GRXCR2: variants seen among roughly 807,000 people sequenced by gnomAD.
GRXCR2 encodes glutaredoxin and cysteine rich domain containing 2, also known as glutaredoxin domain-containing cysteine-rich protein 2.
Under a neutral mutation model 24.8 loss-of-function variants are expected in GRXCR2, and 23 were observed. The ratio of observed to expected loss-of-function variants is 0.93; its 90% CI spans 0.67 to 1.32. The LOEUF (loss-of-function observed/expected upper bound fraction) is 1.32, where lower values mean the gene tolerates loss of function less well. Ranked by LOEUF, GRXCR2 falls within the 40% of genes most tolerant of loss-of-function variation. The pLI is 0.00. For synonymous variants in GRXCR2, 130 were observed against 116.1 expected (o/e 1.12, Z -0.77); for missense variants, 315 against 303.4 (o/e 1.04, Z -0.28).
Position 145,889,181 on chromosome 5 carries a change from A to AAAGG in GRXCR2, c.-69-22454_-69-22453insCCTT, listed in dbSNP as rs1756823082. Among the ~76,000 whole-genome samples the AAAGG allele has an allele frequency of 2.8e-5, 3 of 105,508 alleles. No homozygotes were observed. The South Asian group carries it at 9.3e-4, about 33-fold the overall frequency. The allele number at this position is 105,508 out of a possible 152,430, so 69.2% of individuals were successfully genotyped here. A position where few individuals can be genotyped will look rare whatever the true frequency, so the allele number is the denominator to read the frequency against. ...GAGACTCTGTCTCAAAAAAAGAAAG[A>AAAGG]AAGAAAGAAAGAAAGAAAGAAAGAA... On this transcript the variant is annotated intron_variant, in intron 2 of 3. Transcript: ENST00000639411.
chr5:145,890,630 C>T (rs566297650), intron 2 of GRXCR2, among the ~76,000 whole-genome samples: 39 of 152,182 alleles, frequency 2.6e-4, no homozygotes, highest in African/African-American at 9.2e-4. Context: ...GAGTTTTAAA[C>T]ATGGAAGCAA....
Position 145,928,162 on chromosome 5 carries a change from T to C in GRXCR2, c.-70+7539A>G, listed in dbSNP as rs539862037. Among the ~76,000 whole-genome samples the C allele has an allele frequency of 7.9e-3, 1,195 of 151,970 alleles. 24 individuals are homozygous for C. The highest frequency in any genetic ancestry group is 0.027 in the African/African-American group (1,128 of 41,470). ...CAGACACATGAAAAAATGCTCATCA[T>C]CACTGGCCATCAGAGAAATGCAAAT... On this transcript the variant is annotated intron_variant, in intron 2 of 3. Coordinates refer to the GRXCR2 transcript ENST00000639411.
chr5:145,918,758 C>A (rs1757278044), intron 2 of GRXCR2, among the ~76,000 whole-genome samples: 1 of 152,134 alleles, frequency 6.6e-6, no homozygotes, highest in African/African-American at 2.4e-5. Flanking sequence ...GGAACAAGCC[C>A]CCTCATGCTC....
At chr5:145,896,775 C>A (rs982383005) in intron 2 of GRXCR2, among the ~76,000 whole-genome samples, 11 of 152,104 alleles carry the variant, frequency 7.2e-5, no homozygotes, top group African/African-American at 2.7e-4. Flanking sequence ...CCAGCAATCC[C>A]ATTACTGGGT....
chr5:145,928,470 A>G lies in GRXCR2; in HGVS notation c.-70+7231T>C, dbSNP rs1000954359. Among the ~76,000 whole-genome samples the G allele has an allele frequency of 3.3e-4, 50 of 152,290 alleles. 1 individual carries two copies. Among genetic ancestry groups the G allele is most frequent in the Non-Finnish European group, 6.0e-4 (41 of 68,034 alleles). ...CATGCACACGTATGTTTATTGCGGC[A>G]CTATTCACAATAGCAAAGACTTGGA... On this transcript the variant is annotated intron_variant, in intron 2 of 3. Coordinates refer to the GRXCR2 transcript ENST00000639411.
intron 2 of GRXCR2, among the ~76,000 whole-genome samples, chr5:145,902,670 T>A (rs1757040150): frequency 6.6e-6 from 1 of 152,202 alleles, no homozygotes; most frequent in Non-Finnish European, 1.5e-5. Flanking sequence ...TTGTCTTTTC[T>A]CTTTTACATT....
intron 2 of GRXCR2, among the ~76,000 whole-genome samples, chr5:145,931,132 A>T (rs1161441928): frequency 6.6e-6 from 1 of 152,140 alleles, no homozygotes; most frequent in Admixed American, 6.5e-5. Context: ...CCTGGGCTCA[A>T]GTGATCCTCC....
chr5:145,862,825 G>A (rs933788559), intron 2 of GRXCR2, among the ~76,000 whole-genome samples: 8 of 152,114 alleles, frequency 5.3e-5, no homozygotes, highest in African/African-American at 1.9e-4. Flanking sequence ...AGTTTCCCTA[G>A]CTGCAGAATG....
rs148278751 is a variant in GRXCR2, at chr5:145,907,564, G to T, written c.-70+28137C>A. On this transcript the variant is annotated intron_variant, in intron 2 of 3. Coordinates refer to the GRXCR2 transcript ENST00000639411. ...AAGTAATAATAATAATAAAATGATC[G>T]CTCTGGCTGCCACATCGAGTATAAA... Among the ~76,000 whole-genome samples, 365 of 151,874 alleles carry T rather than the reference G, an allele frequency of 2.4e-3. 1 individual carries two copies. The highest frequency in any genetic ancestry group is 8.2e-3 in the African/African-American group (341 of 41,400).
At chr5:145,886,425 G>A (rs948670414) in intron 2 of GRXCR2, among the ~76,000 whole-genome samples, 76 of 152,208 alleles carry the variant, frequency 5.0e-4, no homozygotes, top group Non-Finnish European at 5.1e-4. Flanking sequence ...AGTAGACGAG[G>A]AGTGTGGTGG....
At chr5:145,907,541 G>A (rs1365986462) in intron 2 of GRXCR2, among the ~76,000 whole-genome samples, 1 of 150,658 alleles carries the variant, frequency 6.6e-6, no homozygotes, top group Non-Finnish European at 1.5e-5. Flanking sequence ...AAAAAAAAAA[G>A]TAATAATAAT....
intron 2 of GRXCR2, among the ~76,000 whole-genome samples, chr5:145,890,676 A>G (rs1003438791): frequency 6.6e-6 from 1 of 152,184 alleles, no homozygotes; most frequent in Non-Finnish European, 1.5e-5. Context: ...ACACAGCTAA[A>G]CACATAGCCT....
upstream of GRXCR2, among the ~76,000 whole-genome samples, chr5:145,876,353 T>C (rs182679387): frequency 6.6e-6 from 1 of 150,570 alleles, no homozygotes; most frequent in African/African-American, 2.4e-5. Context: ...CTTAGCTCAC[T>C]GCAACCTCTG....
rs768140656 is a variant in GRXCR2 at position 145,887,432 on chromosome 5, C to CT, written c.-69-20705dup. Among the ~76,000 whole-genome samples, 6 of 152,300 alleles carry CT rather than the reference C, an allele frequency of 3.9e-5. No individual in the cohort carries two copies. In the East Asian group the frequency reaches 7.7e-4, roughly 20 times the overall value. On this transcript the variant is annotated intron_variant, in intron 2 of 3. Transcript: ENST00000639411. ...TTCTTGATGAGGCCAGTAGTGCTCC[C>CT]TAGAGGACATTATGGAACTTTGTGG... is the stretch of plus-strand genomic sequence containing the variant.
At chr5:145,912,253 C>T (rs887319530) in intron 2 of GRXCR2, among the ~76,000 whole-genome samples, 1 of 152,126 alleles carries the variant, frequency 6.6e-6, no homozygotes, top group Non-Finnish European at 1.5e-5. Flanking sequence ...GTGGAGAATA[C>T]AGTGGGTCAA....
chr5:145,891,740 C>A (rs1296486565), intron 2 of GRXCR2, among the ~76,000 whole-genome samples: 1 of 152,196 alleles, frequency 6.6e-6, no homozygotes, highest in Non-Finnish European at 1.5e-5. Flanking sequence ...CAGTAGACAC[C>A]TCTGCAGAAT....
chr5:145,898,644 A>T (rs1389549030), intron 2 of GRXCR2, among the ~76,000 whole-genome samples: 1 of 152,154 alleles, frequency 6.6e-6, no homozygotes, highest in African/African-American at 2.4e-5. Context: ...CAAGTAATAA[A>T]TGTAATTCAC....
At chr5:145,896,928 T>C (rs1233125869) in intron 2 of GRXCR2, among the ~76,000 whole-genome samples, 2 of 151,900 alleles carry the variant, frequency 1.3e-5, no homozygotes, top group African/African-American at 4.8e-5. Flanking sequence ...ATGTGGCACA[T>C]ATACACCATG....
At chr5:145,875,232 G>A (rs1240193163), upstream of GRXCR2, among the ~76,000 whole-genome samples, 1 of 152,166 alleles carries the variant, frequency 6.6e-6, no homozygotes, top group African/African-American at 2.4e-5. Flanking sequence ...TTTCAAAAAG[G>A]AATTGAGCAT....
Sources: gnomAD v4.1 joint callset for allele counts (sites outside exome capture counted in the v4.1 genomes callset) on GRCh38, gnomAD v4.1.1 for gene constraint, MANE v1.5 for transcripts, NCBI Gene and HGNC (gene_info 2026-07-23, HGNC 2026-07-21) for gene names.